Variants in ATM observed in about 807,000 individuals in gnomAD.
ATM encodes the protein ATM serine/threonine kinase.
Under a neutral mutation model 387.0 loss-of-function variants are expected in ATM, and 308 were observed. That is an observed-to-expected ratio of 0.80 (90% confidence interval 0.73 to 0.87). The LOEUF (loss-of-function observed/expected upper bound fraction) is 0.87. ATM is among the 40% of genes least tolerant of loss of function. ATM has a pLI of 0.00. For synonymous variants in ATM, 1,156 were observed against 1,187.3 expected (o/e 0.97, Z 0.54); for missense variants, 3,312 against 3,560.9 (o/e 0.93, Z 1.78).
intron 26 of ATM, among the ~76,000 whole-genome samples, chr11:108,286,949 A>G (rs2082524974): frequency 1.3e-5 from 2 of 152,198 alleles, no homozygotes; most frequent in Admixed American, 1.3e-4. Flanking sequence ...AGTGCAACAT[A>G]GCAGACTTAT....
At chr11:108,268,961 C>G (rs1327489170) in intron 18 of ATM, among the ~76,000 whole-genome samples, 1 of 152,050 alleles carries the variant, frequency 6.6e-6, no homozygotes, top group East Asian at 1.9e-4. Flanking sequence ...TATATATTTT[C>G]AGTTTTTTGG....
At chr11:108,361,463 G>A (rs566165112) in intron 61 of ATM, among the ~76,000 whole-genome samples, 5 of 151,858 alleles carry the variant, frequency 3.3e-5, no homozygotes, top group Admixed American at 2.6e-4. Flanking sequence ...AGTTCATATG[G>A]AACCAAAAAA....
intron 37 of ATM, among the ~76,000 whole-genome samples, chr11:108,306,672 T>C (rs777894362): frequency 6.6e-6 from 1 of 152,234 alleles, no homozygotes; most frequent in African/African-American, 2.4e-5. Context: ...AATTCTGTTA[T>C]TGAAAAGGAA....
intron 44 of ATM, 100 bp from the exon 45 acceptor site, chr11:108,321,201 C>A: frequency 6.7e-7 from 1 of 1,487,354 alleles, no homozygotes; most frequent in Non-Finnish European, 9.2e-7. Flanking sequence ...AGATCAGTAG[C>A]AAAGCCTATG....
At chr11:108,281,813 C>T (rs1305503027) in intron 24 of ATM, among the ~76,000 whole-genome samples, 1 of 152,086 alleles carries the variant, frequency 6.6e-6, no homozygotes, top group African/African-American at 2.4e-5. Flanking sequence ...GTAAGCCAGC[C>T]TATAATCAGT....
chr11:108,317,613 TTTTA>T lies in ATM; in HGVS notation c.6347+94_6347+97del, dbSNP rs1209421522. The T allele has an allele frequency of 5.3e-4, 142 of 270,298 alleles. No homozygotes were observed. The African/African-American group carries it at 7.5e-3, about 14-fold the overall frequency. 16.7% of individuals were successfully genotyped at this position (270,298 alleles called of 1,614,324 possible). A position where few individuals can be genotyped will look rare whatever the true frequency, so the allele number is the denominator to read the frequency against. On this transcript the variant is annotated intron_variant, in intron 43 of 62. Coordinates refer to ENST00000675843, the MANE Select transcript of ATM (RefSeq NM_000051.4). ...TCTTCTATGAATATAACAGGAGTTG[TTTTA>T]TATATATATATATATATATATATAT...
chr11:108,322,094 G>T (rs1204536483), intron 45 of ATM, among the ~76,000 whole-genome samples: 2 of 152,062 alleles, frequency 1.3e-5, no homozygotes, highest in Non-Finnish European at 2.9e-5. Flanking sequence ...TCCCTTAAAA[G>T]TGGGAACCAT....
At chr11:108,357,391 C>A (rs972693908) in intron 61 of ATM, among the ~76,000 whole-genome samples, 1 of 152,246 alleles carries the variant, frequency 6.6e-6, no homozygotes, top group African/African-American at 2.4e-5. Context: ...ATTGCCCAGG[C>A]TTGATTAGGT....
chr11:108,307,092 C>T (rs2083746080), intron 37 of ATM, among the ~76,000 whole-genome samples: 1 of 151,956 alleles, frequency 6.6e-6, no homozygotes, highest in Non-Finnish European at 1.5e-5. Flanking sequence ...ACTATCCTTT[C>T]CTGCTCTGAT....
intron 4 of ATM, among the ~76,000 whole-genome samples, chr11:108,232,283 T>G (rs1327911089): frequency 6.6e-6 from 1 of 152,206 alleles, no homozygotes; most frequent in Non-Finnish European, 1.5e-5. Context: ...TTAAACCTTT[T>G]TAATATTGGG....
intron 5 of ATM, among the ~76,000 whole-genome samples, chr11:108,236,699 AT>A (rs2079296613): frequency 1.3e-5 from 2 of 152,240 alleles, no homozygotes; most frequent in Admixed American, 6.5e-5. Flanking sequence ...AATAGAATGC[AT>A]TAGAAGACAA....
intron 7 of ATM, 111 bp downstream of exon 7, chr11:108,245,137 G>A: frequency 1.1e-6 from 1 of 879,022 alleles, no homozygotes; most frequent in Non-Finnish European, 1.8e-6. Context: ...GGATTTCTCT[G>A]GTTGATAATG....
intron 32 of ATM, chr11:108,295,480 C>T (rs534537992): frequency 2.2e-4 from 38 of 175,990 alleles, no homozygotes; most frequent in African/African-American, 9.1e-4. Context: ...GCACACACCA[C>T]TACACCTAGC....
At chr11:108,283,657 T>C (rs2082341728) in intron 25 of ATM, among the ~76,000 whole-genome samples, 1 of 152,202 alleles carries the variant, frequency 6.6e-6, no homozygotes, top group Non-Finnish European at 1.5e-5. Flanking sequence ...AATATAGCTA[T>C]ATCTCTGTAT....
intron 13 of ATM, among the ~76,000 whole-genome samples, chr11:108,254,603 A>T (rs1034558767): frequency 6.6e-6 from 1 of 152,176 alleles, no homozygotes; most frequent in East Asian, 1.9e-4. Context: ...GATCATCCAC[A>T]TGTGAAAATC....
In ATM at chr11:108,367,875, A is replaced by T. The variant is rs1390427062; in HGVS notation, c.*2367A>T. Reference sequence around the variant, plus strand: ...CTGCCTAAATGAATATTTGGTATATATTGGTAGTTTTATTACTATAGTAAA... The same window carrying T: ...CTGCCTAAATGAATATTTGGTATATTTTGGTAGTTTTATTACTATAGTAAA... On this transcript the variant is annotated 3_prime_UTR_variant, in exon 63 of 63. Coordinates refer to ENST00000675843, the MANE Select transcript of ATM (RefSeq NM_000051.4). 1 of 205,350 alleles carries T rather than the reference A, an allele frequency of 4.9e-6. No individual in the cohort carries two copies. The highest frequency in any genetic ancestry group is 1.0e-5 in the Non-Finnish European group (1 of 100,278). The allele number at this position is 205,350 out of a possible 1,614,324, so 12.7% of individuals were successfully genotyped here.
chr11:108,314,701 T>C (rs1426236868), intron 40 of ATM, among the ~76,000 whole-genome samples: 1 of 152,120 alleles, frequency 6.6e-6, no homozygotes, highest in Non-Finnish European at 1.5e-5. Context: ...AAAAGTTAAC[T>C]ACTAATAGTC....
At chr11:108,299,500 T>C (rs1397328731) in intron 33 of ATM, 1 of 443,750 alleles carries the variant, frequency 2.3e-6, no homozygotes, top group Non-Finnish European at 4.2e-6. Flanking sequence ...CTTTACCATG[T>C]TGGCCAGGCT....
At chr11:108,249,140 A>G (rs1008516578) in intron 9 of ATM, 38 bp downstream of exon 9, 8 of 1,608,858 alleles carry the variant, frequency 5.0e-6, no homozygotes, top group Non-Finnish European at 6.0e-6. Context: ...TGTCATTTTA[A>G]TCTCTTGTAT....
Sources: allele counts gnomAD v4.1 joint callset (sites outside exome capture counted in the v4.1 genomes callset), GRCh38; gene constraint gnomAD v4.1.1; transcripts MANE v1.5; gene names NCBI Gene and HGNC (gene_info 2026-07-23, HGNC 2026-07-21).